Variants in KLHL7 observed in about 807,000 individuals in gnomAD.
The protein encoded by KLHL7 is kelch like family member 7.
KLHL7 carries 44 observed loss-of-function variants against 67.4 expected under a neutral mutation model. The observed-to-expected ratio is 0.65, with a 90% CI of 0.51 to 0.84. KLHL7 has a LOEUF of 0.84. Ranked by LOEUF, KLHL7 falls within the 40% of genes least tolerant of loss-of-function variation. The pLI, the probability that KLHL7 is intolerant of heterozygous loss-of-function variation, is 0.00. For synonymous variants in KLHL7, 252 were observed against 243.3 expected (o/e 1.04, Z -0.33); for missense variants, 362 against 718.1 (o/e 0.50, Z 5.67).
At chr7:23,172,088 T>C (rs1785181366) in intron 9 of KLHL7, 1 of 448,186 alleles carries the variant, frequency 2.2e-6, no homozygotes, top group South Asian at 1.6e-5. Flanking sequence ...CCTTTTGTTG[T>C]TGTCCTTACT....
chr7:23,160,766 G>A (rs1469795126), intron 7 of KLHL7, among the ~76,000 whole-genome samples: 1 of 152,108 alleles, frequency 6.6e-6, no homozygotes, highest in Non-Finnish European at 1.5e-5. Context: ...AGGTTAATAT[G>A]TTTCCAGTAA....
At chr7:23,129,961 C>T (rs1783733867) in intron 4 of KLHL7, 1 of 150,998 alleles carries the variant, frequency 6.6e-6, no homozygotes, top group Non-Finnish European at 1.5e-5. Context: ...AGAATGTATG[C>T]ATGTATAAGT....
intron 1 of KLHL7, among the ~76,000 whole-genome samples, chr7:23,106,991 A>C (rs1011294610): frequency 3.3e-5 from 5 of 152,130 alleles, no homozygotes; most frequent in Non-Finnish European, 1.5e-5. Context: ...ATCCTGTTTC[A>C]AGGGGACAAA....
rs568946906 is a variant in KLHL7, at chr7:23,166,785, G to A, written c.1177+847G>A. On this transcript the variant is annotated intron_variant, in intron 8 of 10. Coordinates refer to ENST00000339077, the MANE Select transcript of KLHL7 (RefSeq NM_001031710.3). ...ACAATAAATCCTAAAGATGATAGACGGTAACTGTTCTGTGGTACTGCAGAT... is the reference window on the plus strand; with the variant it reads ...ACAATAAATCCTAAAGATGATAGACAGTAACTGTTCTGTGGTACTGCAGAT... Among the ~76,000 whole-genome samples, 9 of 152,124 alleles carry A rather than the reference G, an allele frequency of 5.9e-5. No homozygotes were observed. The South Asian group carries it at 1.0e-3, about 18-fold the overall frequency.
At chr7:23,109,518 C>T (rs6980224) in intron 1 of KLHL7, among the ~76,000 whole-genome samples, 68,374 of 152,066 alleles carry the variant, frequency 0.45, 17,372 homozygotes, top group African/African-American at 0.7. Flanking sequence ...TAAAGCATAA[C>T]TGGAACTTGA....
chr7:23,118,946 C>A (rs1783214374), intron 1 of KLHL7, among the ~76,000 whole-genome samples: 1 of 152,056 alleles, frequency 6.6e-6, no homozygotes, highest in Non-Finnish European at 1.5e-5. Context: ...GTGGTACACG[C>A]CTGTGGTCCC....
chr7:23,175,245 GAT>G lies in KLHL7; in HGVS notation c.*952_*953del, dbSNP rs1333713482. On this transcript the variant is annotated 3_prime_UTR_variant, in exon 11 of 11. Transcript: ENST00000339077. The stretch of plus-strand genomic sequence containing the variant: ...CTAAAAGTTTTGTAATCATGAGTTA[GAT>G]ATATGTCATCTCCTATTCATTGCTT... The G allele has an allele frequency of 4.4e-6, 2 of 453,960 alleles. No individual in the cohort carries two copies. The highest frequency in any genetic ancestry group is 4.0e-5 in the African/African-American group (2 of 50,090). 28.1% of individuals were successfully genotyped at this position (453,960 alleles called of 1,614,324 possible).
rs780360650 is a variant in KLHL7, at chr7:23,115,538, G to GT, written c.121-8231dup. ...TTCTCTGGCATAGGACTCATTTTGG[G>GT]TTTTTTTTGTTTGTTTTTTTTTTGA... On this transcript the variant is annotated intron_variant, in intron 1 of 10. Transcript: ENST00000339077. 9.3e-5 allele frequency among the ~76,000 whole-genome samples: 14 copies of GT among 150,946 alleles called. 1 individual carries two copies. Among genetic ancestry groups the GT allele is most frequent in the African/African-American group, 2.2e-4 (9 of 41,180 alleles).
chr7:23,128,677 T>TA (rs59242706), intron 4 of KLHL7, among the ~76,000 whole-genome samples: 19 of 147,650 alleles, frequency 1.3e-4, no homozygotes, highest in South Asian at 2.1e-4. Flanking sequence ...TTTACCACAT[T>TA]AAAAAAAAAA....
rs1489566163 is a variant in KLHL7 at position 23,176,239 on chromosome 7, G to C, written c.*1941G>C. 1 of 152,162 alleles carries C rather than the reference G, an allele frequency of 6.6e-6. No homozygotes were observed. The highest frequency in any genetic ancestry group is 1.5e-5 in the Non-Finnish European group (1 of 68,066). The allele number at this position is 152,162 out of a possible 1,614,324, so 9.4% of individuals were successfully genotyped here. A position where few individuals can be genotyped will look rare whatever the true frequency, so the allele number is the denominator to read the frequency against. On this transcript the variant is annotated 3_prime_UTR_variant, in exon 11 of 11. Transcript: ENST00000339077. ...TTGTCAGCAGGGTTAGTTCCTTCTG[G>C]AGGGTCTGCAGCAGAAACCACACAT...
chr7:23,115,501 GT>G (rs1303422086), intron 1 of KLHL7, among the ~76,000 whole-genome samples: 1 of 151,784 alleles, frequency 6.6e-6, no homozygotes, highest in Non-Finnish European at 1.5e-5. Context: ...TTTATTCAAT[GT>G]ATATTGATGC....
intron 9 of KLHL7, among the ~76,000 whole-genome samples, chr7:23,169,282 AT>A (rs1485107541): frequency 6.6e-6 from 1 of 152,156 alleles, no homozygotes; most frequent in East Asian, 1.9e-4. Context: ...AAATAAAAAA[AT>A]AAGAGCTTAA....
At chr7:23,167,060 A>G (rs1785022991) in intron 8 of KLHL7, among the ~76,000 whole-genome samples, 1 of 152,042 alleles carries the variant, frequency 6.6e-6, no homozygotes, top group African/African-American at 2.4e-5. Flanking sequence ...TCGTTTTTAA[A>G]TCATTTGATA....
intron 1 of KLHL7, among the ~76,000 whole-genome samples, chr7:23,111,543 T>C (rs547337202): frequency 2.0e-5 from 3 of 152,230 alleles, no homozygotes; most frequent in Admixed American, 6.5e-5. Flanking sequence ...TGACTTGGCC[T>C]GGCACAATGG....
intron 1 of KLHL7, among the ~76,000 whole-genome samples, chr7:23,112,677 C>G (rs1252620473): frequency 1.3e-5 from 2 of 152,180 alleles, no homozygotes; most frequent in East Asian, 3.8e-4. Context: ...AAGATTAAAA[C>G]TAAAAATACT....
chr7:23,127,055 T>C lies in KLHL7; in HGVS notation c.442+1883T>C, dbSNP rs373347152. ...TTCCTAAGACTTAAGGTTACTTCCA[T>C]TATATAAATAATTATCTTCAGACAA... On this transcript the variant is annotated intron_variant, in intron 4 of 10. Transcript: ENST00000339077. 5.9e-5 allele frequency among the ~76,000 whole-genome samples: 9 copies of C among 152,320 alleles called. 1 individual carries two copies. The highest frequency in any genetic ancestry group is 1.9e-4 in the East Asian group (1 of 5,182).
At chr7:23,125,350 C>T in intron 4 of KLHL7, 178 bp downstream of exon 4, 1 of 609,470 alleles carries the variant, frequency 1.6e-6, no homozygotes, top group South Asian at 2.1e-5. Context: ...TTAACCTGGG[C>T]AGCAGCAAGC....
chr7:23,136,383 T>C (rs1382873752), intron 4 of KLHL7, among the ~76,000 whole-genome samples: 1 of 152,144 alleles, frequency 6.6e-6, no homozygotes, highest in African/African-American at 2.4e-5. Flanking sequence ...GCAAGCAAAA[T>C]AAACCAAATG....
chr7:23,123,990 C>T, intron 2 of KLHL7, 111 bp downstream of exon 2: 1 of 780,882 alleles, frequency 1.3e-6, no homozygotes, highest in South Asian at 1.5e-5. Context: ...AACTTAAGGC[C>T]ACAGAACAGT....
Sources: gnomAD v4.1 joint callset for allele counts (sites outside exome capture counted in the v4.1 genomes callset) on GRCh38, gnomAD v4.1.1 for gene constraint, MANE v1.5 for transcripts, NCBI Gene and HGNC (gene_info 2026-07-23, HGNC 2026-07-21) for gene names.